Variants in DAAM2 observed in about 807,000 individuals in gnomAD.
The protein encoded by DAAM2 is dishevelled associated activator of morphogenesis 2, also known as disheveled-associated activator of morphogenesis 2.
A neutral mutation model predicts 120.7 loss-of-function variants in DAAM2; 39 were observed. That is an observed-to-expected ratio of 0.32 (90% CI 0.25 to 0.42). The LOEUF is 0.42. Ranked by LOEUF, DAAM2 falls within the 10% of genes least tolerant of loss-of-function variation. The pLI, the probability that DAAM2 is intolerant of heterozygous loss-of-function variation, is 1.00. For missense variants in DAAM2, 1,283 were observed against 1,401.7 expected, an observed-to-expected ratio of 0.92 and a Z score of 1.35; for synonymous variants, 488 against 524.9, an observed-to-expected ratio of 0.93 and a Z score of 0.96.
intron 1 of DAAM2, among the ~76,000 whole-genome samples, chr6:39,815,234 G>A (rs2114091080): frequency 6.6e-6 from 1 of 152,280 alleles, no homozygotes; most frequent in Non-Finnish European, 1.5e-5. Context: ...AGTGGTGGTG[G>A]CTTATATTTT....
chr6:39,873,184 T>A, intron 9 of DAAM2, 54 bp from the exon 10 acceptor site: 1 of 1,201,156 alleles, frequency 8.3e-7, no homozygotes. Flanking sequence ...TTCTCTCTCC[T>A]GCTGACTTCC....
At chr6:39,832,111 T>C (rs1394126484) in intron 1 of DAAM2, among the ~76,000 whole-genome samples, 2 of 151,150 alleles carry the variant, frequency 1.3e-5, no homozygotes, top group African/African-American at 4.9e-5. Flanking sequence ...GGGGGACAGG[T>C]ACGCTAGGGA....
At position 39,797,921 on chromosome 6, in the gene DAAM2, A is replaced by G. The variant is rs115149655; in HGVS notation, c.-57+5456A>G. 8.6e-3 allele frequency among the ~76,000 whole-genome samples: 1,305 copies of G among 152,358 alleles called. 17 individuals carry two copies. The highest frequency in any genetic ancestry group is 0.029 in the African/African-American group (1,193 of 41,580). On this transcript the variant is annotated intron_variant, in intron 1 of 24. Transcript: ENST00000274867. ...GTTGTCAATTTCAACAGTGAAACCC[A>G]GCTTGTCATCTTGTTTTATAGATAA... is the stretch of plus-strand genomic sequence containing the variant.
intron 1 of DAAM2, among the ~76,000 whole-genome samples, chr6:39,807,662 G>A (rs567836206): frequency 1.3e-5 from 2 of 152,124 alleles, no homozygotes; most frequent in African/African-American, 2.4e-5. Flanking sequence ...GATTACAGGC[G>A]AGCACAACTA....
chr6:39,868,108 G>T, intron 6 of DAAM2: 1 of 475,192 alleles, frequency 2.1e-6, no homozygotes, highest in Non-Finnish European at 3.8e-6. Context: ...CTGGAAGCCG[G>T]AATATTGGCC....
intron 5 of DAAM2, 108 bp downstream of exon 5, chr6:39,865,182 C>T: frequency 2.8e-6 from 2 of 709,062 alleles, no homozygotes; most frequent in South Asian, 3.3e-5. Flanking sequence ...TCCTCCTGGC[C>T]AACTCTGCCT....
chr6:39,877,910 G>T (rs1764935519), intron 11 of DAAM2, among the ~76,000 whole-genome samples: 1 of 152,208 alleles, frequency 6.6e-6, no homozygotes, highest in South Asian at 2.1e-4. Flanking sequence ...CCATTAATTA[G>T]CTCTTGCCCT....
In DAAM2 at chr6:39,902,155, CCTGGGATGGGGG is replaced by C; in HGVS notation, c.*119_*130del. 1.2e-6 allele frequency: 1 copy of C among 868,948 alleles called. No homozygotes were observed. The allele number at this position is 868,948 out of a possible 1,614,324, so 53.8% of individuals were successfully genotyped here. A position where few individuals can be genotyped will look rare whatever the true frequency, so the allele number is the denominator to read the frequency against. ...CTTGGTTTAGAGCCTTGGGCTGGGT[CCTGGGATGGGGG>C]GCTGTGTGTGGCTGGACCAGGTGTC... On this transcript the variant is annotated 3_prime_UTR_variant, in exon 25 of 25. Transcript: ENST00000274867.
At chr6:39,826,508 C>T (rs1050130700) in intron 1 of DAAM2, among the ~76,000 whole-genome samples, 2 of 152,158 alleles carry the variant, frequency 1.3e-5, no homozygotes, top group Non-Finnish European at 2.9e-5. Context: ...CCAGTGGAAT[C>T]CTCAGGTGAT....
At chr6:39,813,588 A>T (rs1353561077) in intron 1 of DAAM2, among the ~76,000 whole-genome samples, 1 of 152,238 alleles carries the variant, frequency 6.6e-6, no homozygotes, top group Non-Finnish European at 1.5e-5. Context: ...CTCCTTTATT[A>T]TAAAAGAAAC....
At chr6:39,850,079 A>G (rs941705720) in intron 1 of DAAM2, among the ~76,000 whole-genome samples, 7 of 152,280 alleles carry the variant, frequency 4.6e-5, no homozygotes, top group African/African-American at 1.7e-4. Context: ...GCAAAGGAAT[A>G]GGCTCCCCAG....
At chr6:39,847,723 C>T (rs1321714844) in intron 1 of DAAM2, among the ~76,000 whole-genome samples, 1 of 152,074 alleles carries the variant, frequency 6.6e-6, no homozygotes, top group Non-Finnish European at 1.5e-5. Context: ...GGGTCTCATT[C>T]CCTTCTACCC....
At chr6:39,893,292 G>A (rs1157777675) in intron 19 of DAAM2, among the ~76,000 whole-genome samples, 2 of 152,158 alleles carry the variant, frequency 1.3e-5, no homozygotes, top group South Asian at 2.1e-4. Context: ...CAAGGCGGGC[G>A]GATCACAAGG....
chr6:39,811,041 T>C (rs917700767), intron 1 of DAAM2, among the ~76,000 whole-genome samples: 2 of 152,168 alleles, frequency 1.3e-5, no homozygotes, highest in Non-Finnish European at 2.9e-5. Flanking sequence ...GAATGCTCCT[T>C]GCCAAGTCCT....
At chr6:39,855,231 C>G (rs1763953457) in intron 1 of DAAM2, among the ~76,000 whole-genome samples, 1 of 152,164 alleles carries the variant, frequency 6.6e-6, no homozygotes, top group Non-Finnish European at 1.5e-5. Context: ...GATGATTCTG[C>G]CTCTCAGGAG....
chr6:39,842,804 C>T (rs369489791), intron 1 of DAAM2, among the ~76,000 whole-genome samples: 16 of 150,250 alleles, frequency 1.1e-4, no homozygotes, highest in African/African-American at 3.7e-4. Flanking sequence ...GGGAAGGTGG[C>T]ATCTGCAGTG....
chr6:39,873,055 T>C (rs961736854), intron 9 of DAAM2, among the ~76,000 whole-genome samples, 183 bp from the exon 10 acceptor site: 11 of 152,218 alleles, frequency 7.2e-5, no homozygotes, highest in Non-Finnish European at 5.9e-5. Context: ...TGAGAAACTC[T>C]AGTTTATAAA....
chr6:39,837,051 G>A lies in DAAM2; in HGVS notation c.-56-19196G>A, dbSNP rs1387120446. Among the ~76,000 whole-genome samples, 2 of 152,184 alleles carry A rather than the reference G, an allele frequency of 1.3e-5. 1 individual carries two copies. Among genetic ancestry groups the A allele is most frequent in the African/African-American group, 4.8e-5 (2 of 41,458 alleles). On this transcript the variant is annotated intron_variant, in intron 1 of 24. Transcript: ENST00000274867. ...CCAGACTAAGTCAACATCTCTGGGA[G>A]TGGGCCTGGGGCATGAGTAGCTCTG...
At chr6:39,814,589 T>G (rs1252910001) in intron 1 of DAAM2, among the ~76,000 whole-genome samples, 1 of 152,262 alleles carries the variant, frequency 6.6e-6, no homozygotes, top group Non-Finnish European at 1.5e-5. Flanking sequence ...GAGCTGCAAT[T>G]CAAACGCGTT....
Sources: allele counts gnomAD v4.1 joint callset (sites outside exome capture counted in the v4.1 genomes callset), GRCh38; gene constraint gnomAD v4.1.1; transcripts MANE v1.5; gene names NCBI Gene and HGNC (gene_info 2026-07-23, HGNC 2026-07-21).